PLEKHM2: variants seen among roughly 807,000 people sequenced by gnomAD.
PLEKHM2 encodes pleckstrin homology domain-containing family M member 2.
In PLEKHM2, 77 loss-of-function variants were observed where a neutral mutation model predicts 116.3. That is an observed-to-expected ratio of 0.66 (90% CI 0.55 to 0.80). The LOEUF is 0.80. PLEKHM2 is among the 30% of genes least tolerant of loss of function. The pLI is 0.00. For missense variants in PLEKHM2, 1,183 were observed against 1,354.9 expected (o/e 0.87, Z 1.99); for synonymous variants, 562 against 571.0 (o/e 0.98, Z 0.22).
chr1:15,715,403 A>T (rs1344708758), intron 1 of PLEKHM2, among the ~76,000 whole-genome samples: 2 of 152,154 alleles, frequency 1.3e-5, no homozygotes, highest in African/African-American at 2.4e-5. Flanking sequence ...GCACTTTGGG[A>T]GGCCAAAGTG....
At chr1:15,693,470 C>T (rs566490461) in intron 1 of PLEKHM2, among the ~76,000 whole-genome samples, 1 of 152,372 alleles carries the variant, frequency 6.6e-6, no homozygotes, top group South Asian at 2.1e-4. Context: ...TGGGCTCGCT[C>T]TCTCCATGGT....
intron 1 of PLEKHM2, among the ~76,000 whole-genome samples, chr1:15,705,161 C>T (rs887196646): frequency 5.5e-5 from 8 of 146,698 alleles, no homozygotes; most frequent in African/African-American, 7.5e-5. Flanking sequence ...GATGTCTCCA[C>T]GTAGATATCT....
At position 15,734,036 on chromosome 1, in the gene PLEKHM2, A is replaced by C. The variant is rs888421515; in HGVS notation, c.*102A>C. The C allele has an allele frequency of 1.3e-5, 17 of 1,322,074 alleles. No homozygotes were observed. Among genetic ancestry groups the C allele is most frequent in the African/African-American group, 1.5e-5 (1 of 67,574 alleles). The allele number at this position is 1,322,074 out of a possible 1,614,324, so 81.9% of individuals were successfully genotyped here. A position where few individuals can be genotyped will look rare whatever the true frequency, so the allele number is the denominator to read the frequency against. ...TCATGCTGTCGGGAGCCTACAGTCCACCCCTGCCCTGGGCGGCAGAACCAC... is the reference window on the plus strand; with the variant it reads ...TCATGCTGTCGGGAGCCTACAGTCCCCCCCTGCCCTGGGCGGCAGAACCAC... On this transcript the variant is annotated 3_prime_UTR_variant, in exon 20 of 20. Coordinates refer to ENST00000375799, the MANE Select transcript of PLEKHM2 (RefSeq NM_015164.4).
chr1:15,693,549 A>T (rs569031753), intron 1 of PLEKHM2, among the ~76,000 whole-genome samples: 2 of 152,284 alleles, frequency 1.3e-5, no homozygotes, highest in South Asian at 4.1e-4. Flanking sequence ...GCAGAAACTC[A>T]CTGGGGTTTA....
At chr1:15,718,692 C>A in intron 5 of PLEKHM2, 67 bp downstream of exon 5, 1 of 406,202 alleles carries the variant, frequency 2.5e-6, no homozygotes, top group Non-Finnish European at 4.9e-6. Context: ...GCAGGGTGGG[C>A]GGTGGCTTCA....
In PLEKHM2 at chr1:15,728,251, C is replaced by T. The variant is rs2068092718; in HGVS notation, c.1831-16C>T. 2 of 1,612,598 alleles carry T rather than the reference C, an allele frequency of 1.2e-6. No individual in the cohort carries two copies. The highest frequency in any genetic ancestry group is 1.3e-5 in the African/African-American group (1 of 75,064). On this transcript the variant is annotated splice_polypyrimidine_tract_variant and intron_variant, in intron 10 of 19. Transcript: ENST00000375799. This position sits in a 1 kb window ranked among gnomAD's most constrained non-coding sequence, Gnocchi z 5.9. The stretch of plus-strand genomic sequence containing the variant: ...CAGGAGCCACCTGCCTGACCCTTGT[C>T]TGCTTCGGCCCCCAGATGATCCGGA...
intron 1 of PLEKHM2, among the ~76,000 whole-genome samples, chr1:15,699,470 G>T (rs1641067446): frequency 6.6e-6 from 1 of 152,122 alleles, no homozygotes; most frequent in Non-Finnish European, 1.5e-5. Flanking sequence ...GTGATAGTTT[G>T]CTCAGAATGA....
chr1:15,720,151 A>ATATAT (rs1557655121), intron 6 of PLEKHM2, among the ~76,000 whole-genome samples: 1 of 137,258 alleles, frequency 7.3e-6, no homozygotes, highest in African/African-American at 2.7e-5. Flanking sequence ...TATATATATA[A>ATATAT]AATATATATT....
intron 1 of PLEKHM2, among the ~76,000 whole-genome samples, chr1:15,688,502 A>G (rs556066359): frequency 5.9e-5 from 9 of 152,218 alleles, no homozygotes; most frequent in South Asian, 2.1e-4. Context: ...AAATACAGAA[A>G]TTAGCTGGGT....
At chr1:15,689,832 C>G (rs1016612754) in intron 1 of PLEKHM2, among the ~76,000 whole-genome samples, 8 of 152,220 alleles carry the variant, frequency 5.3e-5, no homozygotes, top group African/African-American at 1.9e-4. Context: ...TCTCAGCTCA[C>G]TGCAACCTCC....
intron 1 of PLEKHM2, among the ~76,000 whole-genome samples, chr1:15,711,341 C>T (rs113991805): frequency 0.02 from 3,019 of 151,670 alleles, 104 homozygotes; most frequent in African/African-American, 0.069. Flanking sequence ...TGTGGCCAAC[C>T]GTGGTGGCTC....
chr1:15,685,112 AATCTTGCTC>A (rs1272425496), intron 1 of PLEKHM2, among the ~76,000 whole-genome samples: 1 of 152,348 alleles, frequency 6.6e-6, no homozygotes, highest in African/African-American at 2.4e-5. Flanking sequence ...TCCCCTGAAT[AATCTTGCTC>A]AAGGATGGTA....
At position 15,728,756 on chromosome 1, in the gene PLEKHM2, T is replaced by G; in HGVS notation, c.1986+23T>G. ...TCGGTGAGTCCAGGCCCCGCAGTTG[T>G]GCGCCTGCTGTAGGTACAGGGCTTC... On this transcript the variant is annotated intron_variant, in intron 12 of 19. Transcript: ENST00000375799. This position sits in a 1 kb window ranked among gnomAD's most constrained non-coding sequence, Gnocchi z 5.9. 6.3e-7 allele frequency: 1 copy of G among 1,591,378 alleles called. No homozygotes were observed. The highest frequency in any genetic ancestry group is 8.6e-7 in the Non-Finnish European group (1 of 1,167,000).
At chr1:15,688,824 T>C (rs12075016) in intron 1 of PLEKHM2, among the ~76,000 whole-genome samples, 24,971 of 152,056 alleles carry the variant, frequency 0.16, 3,875 homozygotes, top group African/African-American at 0.41. Flanking sequence ...TGAATCAGCA[T>C]GTGGTTCTAC....
At chr1:15,704,929 T>TA (rs1557646628) in intron 1 of PLEKHM2, among the ~76,000 whole-genome samples, 1 of 152,186 alleles carries the variant, frequency 6.6e-6, no homozygotes, top group African/African-American at 2.4e-5. Context: ...CCTGGAGTGT[T>TA]ACAGTGCTGC....
Position 15,729,327 on chromosome 1 carries a change from C to T in PLEKHM2, c.2075+137C>T. On this transcript the variant is annotated intron_variant, in intron 13 of 19. Transcript: ENST00000375799. The surrounding 1 kb of genome is among the most constrained non-coding windows in gnomAD (Gnocchi z 4.7). ...AAACCAGATGTATTCCCTCTGGAAC[C>T]TGCATCTGCTCAGAGAGGCAGGCAA... The T allele has an allele frequency of 2.7e-6, 2 of 732,990 alleles. No homozygotes were observed. Among genetic ancestry groups the T allele is most frequent in the Non-Finnish European group, 4.8e-6 (2 of 416,610 alleles). The allele number at this position is 732,990 out of a possible 1,614,324, so 45.4% of individuals were successfully genotyped here. A position where few individuals can be genotyped will look rare whatever the true frequency, so the allele number is the denominator to read the frequency against.
rs770250682 is a variant in PLEKHM2, at chr1:15,729,878, C to T, written c.2157C>T (p.Thr719=). The change falls in exon 14 of 20, where the codon ACC becomes ACT. Residue 719 remains threonine, a synonymous_variant. Coordinates refer to ENST00000375799, the MANE Select transcript of PLEKHM2 (RefSeq NM_015164.4). This position sits in a 1 kb window ranked among gnomAD's most constrained non-coding sequence, Gnocchi z 4.7. ...ACCCCAGCATCCTGACGGATGCCAC[C>T]ATGGAGAAGCTGGCACTGGCCAAAT... ...PPYPSILTDA[T]MEKLALAKFV... The T allele has an allele frequency of 6.2e-7, 1 of 1,613,052 alleles. No homozygotes were observed. The highest frequency in any genetic ancestry group is 8.5e-7 in the Non-Finnish European group (1 of 1,179,428).
rs1408157722 is a variant in PLEKHM2 at position 15,727,255 on chromosome 1, A to T, written c.1183A>T (p.Ile395Phe). 1.2e-6 allele frequency: 2 copies of T among 1,605,734 alleles called. No individual in the cohort carries two copies. Among genetic ancestry groups the T allele is most frequent in the East Asian group, 2.2e-5 (1 of 44,606 alleles). Residue 395 changes from isoleucine to phenylalanine, a missense_variant, in exon 9 of 20, where the codon ATC becomes TTC. By Grantham distance (21) the Ile-to-Phe change is conservative (BLOSUM62 0). Around this residue, in one of 3 missense-constraint regions of PLEKHM2, gnomAD observed 372 missense variants for 357.2 expected, o/e 1.04. Coordinates refer to ENST00000375799, the MANE Select transcript of PLEKHM2 (RefSeq NM_015164.4). This position sits in a 1 kb window ranked among gnomAD's most constrained non-coding sequence, Gnocchi z 7.5. ...CGAGCGCTCCGAGCCGGGCCTGCTG[A>T]TCCCTGAGATGAAGGACACCTCCAT... ...SSERSEPGLLIPEMKDTSMER... is the reference protein window; with the variant it reads ...SSERSEPGLLFPEMKDTSMER...
In PLEKHM2 at chr1:15,719,450, C is replaced by CA. The variant is rs35882831; in HGVS notation, c.466-273dup. Among the ~76,000 whole-genome samples the CA allele has an allele frequency of 6.9e-4, 101 of 146,996 alleles. No individual in the cohort carries two copies. Among genetic ancestry groups the CA allele is most frequent in the South Asian group, 1.7e-3 (8 of 4,598 alleles). On this transcript the variant is annotated intron_variant, in intron 5 of 19. Transcript: ENST00000375799. The surrounding 1 kb of genome is among the most constrained non-coding windows in gnomAD (Gnocchi z 4.1). The stretch of plus-strand genomic sequence containing the variant: ...AGGGCAACAGAGTGAGACTCTGTCT[C>CA]AAAAAAAAAAATAAATAAATAGAGA...
Sources: gnomAD v4.1 joint callset for allele counts (sites outside exome capture counted in the v4.1 genomes callset) on GRCh38, gnomAD v4.1.1 for gene constraint, gnomAD v4.1.1 regional missense constraint, Gnocchi (gnomAD v3.1) non-coding constraint, MANE v1.5 for transcripts, NCBI Gene and HGNC (gene_info 2026-07-23, HGNC 2026-07-21) for gene names.